Variants in PCBP3 observed in about 807,000 individuals in gnomAD.
PCBP3 encodes poly(rC)-binding protein 3.
Under a neutral mutation model 52.7 loss-of-function variants are expected in PCBP3, and 25 were observed. The observed-to-expected ratio is 0.47, with a 90% CI of 0.35 to 0.66. PCBP3 has a LOEUF of 0.66. Among genes scored for constraint, PCBP3 ranks in the 30% least tolerant of loss-of-function variants. The pLI, the probability that PCBP3 is intolerant of heterozygous loss-of-function variation, is 0.01. For missense variants in PCBP3, 391 were observed against 490.3 expected, an observed-to-expected ratio of 0.80 and a Z score of 1.91; for synonymous variants, 162 against 183.0, an observed-to-expected ratio of 0.89 and a Z score of 0.93.
rs554805366 is a variant in PCBP3 at position 45,805,325 on chromosome 21, G to A, written c.-125-44636G>A. Among the ~76,000 whole-genome samples, 1 of 152,190 alleles carries A rather than the reference G, an allele frequency of 6.6e-6. No individual in the cohort carries two copies. Among genetic ancestry groups the A allele is most frequent in the South Asian group, 2.1e-4 (1 of 4,826 alleles). On this transcript the variant is annotated intron_variant, in intron 4 of 17. Transcript: ENST00000681687. This position sits in a 1 kb window ranked among gnomAD's most constrained non-coding sequence, Gnocchi z 4.6. Reference sequence around the variant, plus strand: ...AACCCCCCAGGTGGTGTCTGGGGGGGAAAGTAATTGGAAGATTATGGGTGG... The same window carrying A: ...AACCCCCCAGGTGGTGTCTGGGGGGAAAAGTAATTGGAAGATTATGGGTGG...
At position 45,652,442 on chromosome 21, in the gene PCBP3, C is replaced by CTT. The variant is rs377230019; in HGVS notation, c.-279+8589_-279+8590dup. On this transcript the variant is annotated intron_variant, in intron 1 of 17. Coordinates refer to ENST00000681687, the MANE Select transcript of PCBP3 (RefSeq NM_001384156.1). Reference sequence around the variant, plus strand: ...AAAATATGTGACTGGATTCTGATGGCTTTTTTTTTTTTTTTTGAGACGGAG... The same window carrying CTT: ...AAAATATGTGACTGGATTCTGATGGCTTTTTTTTTTTTTTTTTTGAGACGGAG... Among the ~76,000 whole-genome samples the CTT allele has an allele frequency of 7.8e-4, 106 of 135,590 alleles. 1 individual carries two copies. The highest frequency in any genetic ancestry group is 3.8e-3 in the Middle Eastern group (1 of 262). 89.0% of individuals were successfully genotyped at this position (135,590 alleles called of 152,430 possible).
chr21:45,688,158 T>G (rs2082261235), intron 2 of PCBP3, among the ~76,000 whole-genome samples: 1 of 152,208 alleles, frequency 6.6e-6, no homozygotes, highest in South Asian at 2.1e-4. Flanking sequence ...CAGCACTCTT[T>G]TTCCTGTACT....
intron 2 of PCBP3, among the ~76,000 whole-genome samples, chr21:45,720,114 G>A (rs2084517663): frequency 6.6e-6 from 1 of 152,154 alleles, no homozygotes; most frequent in Non-Finnish European, 1.5e-5. Context: ...TACATGTGCA[G>A]AACATGCAGG....
chr21:45,924,282 T>C (rs373450568), intron 13 of PCBP3, among the ~76,000 whole-genome samples: 81 of 53,164 alleles, frequency 1.5e-3, no homozygotes, highest in African/African-American at 5.5e-3. Context: ...CGGGTGTGCG[T>C]GAGGAGATGC....
intron 1 of PCBP3, among the ~76,000 whole-genome samples, chr21:45,661,086 A>G (rs1445153840): frequency 6.6e-6 from 1 of 152,162 alleles, no homozygotes; most frequent in Non-Finnish European, 1.5e-5. Context: ...TCACTTCAAC[A>G]CAGATTTGTA....
chr21:45,766,001 C>T (rs981179106), intron 4 of PCBP3, among the ~76,000 whole-genome samples: 1 of 152,234 alleles, frequency 6.6e-6, no homozygotes, highest in Non-Finnish European at 1.5e-5. Flanking sequence ...ATGTGGGCTA[C>T]TGTGCCTTTT....
intron 3 of PCBP3, chr21:45,750,875 A>AGTGTGTGT (rs200225619): frequency 8.7e-6 from 1 of 115,452 alleles, no homozygotes; most frequent in African/African-American, 2.9e-5. Flanking sequence ...CATACATGTA[A>AGTGTGTGT]GTGTGTGTGT....
In PCBP3 at chr21:45,671,249, G is replaced by A. The variant is rs117939256; in HGVS notation, c.-200+2297G>A. 8.5e-3 allele frequency among the ~76,000 whole-genome samples: 1,293 copies of A among 152,196 alleles called. 10 individuals are homozygous for A. Among genetic ancestry groups the A allele is most frequent in the Non-Finnish European group, 0.011 (734 of 68,018 alleles). ...TCGCCTTGGCACACCCTTCTTTCAC[G>A]ACTGTCATGCACTCATCTCTCCAGG... On this transcript the variant is annotated intron_variant, in intron 2 of 17. Transcript: ENST00000681687.
intron 2 of PCBP3, among the ~76,000 whole-genome samples, chr21:45,720,507 A>G (rs2084553102): frequency 6.6e-6 from 1 of 152,260 alleles, no homozygotes; most frequent in South Asian, 2.1e-4. Context: ...GAACTTGAGT[A>G]TAATAAAAAA....
chr21:45,710,979 C>T (rs1182964484), intron 2 of PCBP3, among the ~76,000 whole-genome samples: 1 of 152,172 alleles, frequency 6.6e-6, no homozygotes, highest in Non-Finnish European at 1.5e-5. Context: ...GACATACCCA[C>T]ATCATTGTGT....
intron 2 of PCBP3, among the ~76,000 whole-genome samples, chr21:45,725,608 G>A (rs957027032): frequency 6.6e-6 from 1 of 152,198 alleles, no homozygotes. Flanking sequence ...GGGACACACA[G>A]GCAGGGTTCT....
intron 3 of PCBP3, among the ~76,000 whole-genome samples, chr21:45,751,812 G>C (rs1484899145): frequency 6.6e-6 from 1 of 152,192 alleles, no homozygotes; most frequent in Non-Finnish European, 1.5e-5. Context: ...TTCAGCTCAT[G>C]ACTTTTTGCT....
intron 1 of PCBP3, among the ~76,000 whole-genome samples, chr21:45,667,893 A>C (rs2080910054): frequency 6.6e-6 from 1 of 152,188 alleles, no homozygotes; most frequent in African/African-American, 2.4e-5. Flanking sequence ...TTCCTGAACT[A>C]ACTCTGTAAA....
rs540098849 is a variant in PCBP3, at chr21:45,712,697, T to C, written c.-199-22695T>C. ...CATTTCTTGTGAGGGTTGCTCTTTCTTTCATTTTTTTTTTTTTCCTATTGA... is the reference window on the plus strand; with the variant it reads ...CATTTCTTGTGAGGGTTGCTCTTTCCTTCATTTTTTTTTTTTTCCTATTGA... On this transcript the variant is annotated intron_variant, in intron 2 of 17. Coordinates refer to ENST00000681687, the MANE Select transcript of PCBP3 (RefSeq NM_001384156.1). Among the ~76,000 whole-genome samples the C allele has an allele frequency of 2.0e-5, 3 of 151,876 alleles. No individual in the cohort carries two copies. In the South Asian group the frequency reaches 6.3e-4, roughly 32 times the overall value.
At chr21:45,907,674 G>A (rs548738954) in intron 9 of PCBP3, among the ~76,000 whole-genome samples, 3 of 152,124 alleles carry the variant, frequency 2.0e-5, no homozygotes, top group African/African-American at 7.2e-5. Context: ...TCTTGTCTGG[G>A]TGTAGGGAAT....
intron 17 of PCBP3, among the ~76,000 whole-genome samples, chr21:45,941,102 G>A (rs1447322811): frequency 1.3e-5 from 2 of 152,202 alleles, no homozygotes; most frequent in Non-Finnish European, 2.9e-5. Flanking sequence ...CTGATGCCCC[G>A]CTGGGCTTCT....
rs944126008 is a variant in PCBP3 at position 45,725,547 on chromosome 21, C to T, written c.-199-9845C>T. On this transcript the variant is annotated intron_variant, in intron 2 of 17. Coordinates refer to ENST00000681687, the MANE Select transcript of PCBP3 (RefSeq NM_001384156.1). ...CCTGCCTGTCCTCTCTCCATTAAGC[C>T]TCTGCTGGGGGCCTGCCTCCACAGT... Among the ~76,000 whole-genome samples, 12 of 152,336 alleles carry T rather than the reference C, an allele frequency of 7.9e-5. No homozygotes were observed. In the East Asian group the frequency reaches 2.1e-3, roughly 27 times the overall value.
intron 9 of PCBP3, among the ~76,000 whole-genome samples, chr21:45,901,922 G>A (rs753444564): frequency 6.6e-6 from 1 of 152,230 alleles, no homozygotes; most frequent in Non-Finnish European, 1.5e-5. Flanking sequence ...GGTGCACTTT[G>A]TGGGAATAAA....
At chr21:45,863,582 C>T (rs1347632184) in intron 5 of PCBP3, among the ~76,000 whole-genome samples, 1 of 152,216 alleles carries the variant, frequency 6.6e-6, no homozygotes, top group African/African-American at 2.4e-5. Flanking sequence ...TGGCCCATGT[C>T]ACGCGGCTCC....
Sources: gnomAD v4.1 joint callset for allele counts (sites outside exome capture counted in the v4.1 genomes callset) on GRCh38, gnomAD v4.1.1 for gene constraint, Gnocchi (gnomAD v3.1) non-coding constraint, MANE v1.5 for transcripts, NCBI Gene and HGNC (gene_info 2026-07-23, HGNC 2026-07-21) for gene names.